Variants in CUL2 observed in about 807,000 individuals in gnomAD.
The protein encoded by CUL2 is cullin-2.
CUL2 carries 22 observed loss-of-function variants against 110.2 expected under a neutral mutation model. That is an observed-to-expected ratio of 0.20 (90% confidence interval 0.14 to 0.28). The LOEUF (loss-of-function observed/expected upper bound fraction) is 0.28. Among genes scored for constraint, CUL2 ranks in the 10% least tolerant of loss-of-function variants. The probability of loss-of-function intolerance (pLI) is 1.00; values close to 1 mark genes in which losing one functional copy is unlikely to be tolerated. For missense variants in CUL2, 631 were observed against 905.5 expected, an observed-to-expected ratio of 0.70 and a Z score of 3.89; for synonymous variants, 279 against 293.2, an observed-to-expected ratio of 0.95 and a Z score of 0.49.
intron 17 of CUL2, among the ~76,000 whole-genome samples, chr10:35,018,653 C>T (rs2085106178): frequency 6.6e-6 from 1 of 151,208 alleles, no homozygotes; most frequent in East Asian, 2.0e-4. Flanking sequence ...ATCTCATCTA[C>T]TCCGGAGGCT....
Position 35,038,966 on chromosome 10 carries a change from A to G in CUL2, c.831T>C (p.Phe277=). ...QQRMVADHLQ[F]LHAECHNIIR... ...TTATATTATGACATTCTGCATGTAA[A>G]AACTGTAAGTGGTCTGCTACCATTC... The change falls in exon 9 of 21, where the codon TTT becomes TTC. Residue 277 remains phenylalanine (F), a synonymous_variant. Coordinates refer to ENST00000374749, the MANE Select transcript of CUL2 (RefSeq NM_003591.4). 1.2e-6 allele frequency: 2 copies of G among 1,608,450 alleles called. No individual in the cohort carries two copies. Among genetic ancestry groups the G allele is most frequent in the South Asian group, 1.1e-5 (1 of 90,100 alleles).
intron 1 of CUL2, among the ~76,000 whole-genome samples, chr10:35,072,619 C>T (rs1035154121): frequency 3.9e-5 from 6 of 152,136 alleles, no homozygotes; most frequent in Non-Finnish European, 5.9e-5. Flanking sequence ...CCGCCCACCT[C>T]GGCCTCCCAA....
chr10:35,102,650 C>T (rs183281596), intron 1 of CUL2, among the ~76,000 whole-genome samples: 4 of 148,930 alleles, frequency 2.7e-5, no homozygotes, highest in East Asian at 4.1e-4. Flanking sequence ...TTTGAGAGAC[C>T]GAGGCGGGTG....
intron 5 of CUL2, 73 bp from the exon 6 acceptor site, chr10:35,049,838 T>A (rs1352947137): frequency 3.2e-6 from 3 of 944,772 alleles, no homozygotes; most frequent in Non-Finnish European, 5.0e-6. Context: ...AGGTTTTTTT[T>A]AACTAAAAAT....
At chr10:35,066,743 A>G (rs2086539245) in intron 2 of CUL2, among the ~76,000 whole-genome samples, 1 of 152,282 alleles carries the variant, frequency 6.6e-6, no homozygotes, top group East Asian at 1.9e-4. Flanking sequence ...AATATCAATT[A>G]GCCTGATATA....
chr10:35,115,897 A>C (rs942280770), intron 1 of CUL2, among the ~76,000 whole-genome samples: 103 of 152,262 alleles, frequency 6.8e-4, no homozygotes, highest in Non-Finnish European at 1.2e-3. Context: ...GGTCTCAAAA[A>C]ATATAATAAA....
In CUL2 at chr10:35,113,262, G is replaced by A. The variant is rs112555885; in HGVS notation, c.-50-12202C>T. Reference sequence around the variant, plus strand: ...TGTAATCCCAGCATTTTGGGAGCCCGAGGTGGGTGGATCACCTGAAGTCAG... The same window carrying A: ...TGTAATCCCAGCATTTTGGGAGCCCAAGGTGGGTGGATCACCTGAAGTCAG... On this transcript the variant is annotated intron_variant, in intron 1 of 5. Coordinates refer to the CUL2 transcript ENST00000685421. Among the ~76,000 whole-genome samples the A allele has an allele frequency of 9.4e-4, 140 of 149,500 alleles. 1 individual carries two copies. Among genetic ancestry groups the A allele is most frequent in the African/African-American group, 3.2e-3 (132 of 40,716 alleles).
chr10:35,030,153 T>C (rs79583411), intron 14 of CUL2, among the ~76,000 whole-genome samples: 1,594 of 152,326 alleles, frequency 0.01, 11 homozygotes, highest in Non-Finnish European at 0.014. Context: ...CTGCTGGCTC[T>C]TATAAGGTTT....
intron 1 of CUL2, among the ~76,000 whole-genome samples, chr10:35,085,711 A>C (rs1432212440): frequency 1.3e-5 from 2 of 151,982 alleles, no homozygotes; most frequent in Non-Finnish European, 2.9e-5. Context: ...AAAAAAAAAA[A>C]AAAAAAACTG....
At chr10:35,078,367 C>G (rs1262094936) in intron 1 of CUL2, among the ~76,000 whole-genome samples, 1 of 150,790 alleles carries the variant, frequency 6.6e-6, no homozygotes, top group Non-Finnish European at 1.5e-5. Flanking sequence ...ATGATCTCGG[C>G]TCACCACAAC....
chr10:35,051,717 C>A (rs970772324), intron 5 of CUL2, among the ~76,000 whole-genome samples: 9 of 152,202 alleles, frequency 5.9e-5, no homozygotes, highest in Non-Finnish European at 1.3e-4. Context: ...ATTTTGGGTT[C>A]TTCCCTGTGA....
intron 4 of CUL2, among the ~76,000 whole-genome samples, chr10:35,056,652 A>G (rs2134888141): frequency 6.6e-6 from 1 of 152,320 alleles, no homozygotes; most frequent in Non-Finnish European, 1.5e-5. Context: ...CTCTGCCCAC[A>G]CAGAGCTCAC....
At chr10:35,063,833 G>A (rs2086447325) in intron 2 of CUL2, 1 of 147,064 alleles carries the variant, frequency 6.8e-6, no homozygotes, top group Non-Finnish European at 1.5e-5. Context: ...AAACCAAGAA[G>A]AACAAAAGAT....
At chr10:35,110,863 C>T (rs893503229) in intron 1 of CUL2, among the ~76,000 whole-genome samples, 6 of 152,180 alleles carry the variant, frequency 3.9e-5, no homozygotes, top group East Asian at 1.9e-4. Flanking sequence ...ACCTAATCTC[C>T]GGATATGGTT....
At chr10:35,052,571 G>GTGTT (rs963907578) in intron 5 of CUL2, among the ~76,000 whole-genome samples, 1 of 152,154 alleles carries the variant, frequency 6.6e-6, no homozygotes, top group African/African-American at 2.4e-5. Context: ...ATGAATAGTG[G>GTGTT]TGTTCACTGC....
At chr10:35,053,578 C>A (rs1411916384) in intron 5 of CUL2, among the ~76,000 whole-genome samples, 3 of 152,136 alleles carry the variant, frequency 2.0e-5, no homozygotes, top group Non-Finnish European at 2.9e-5. Flanking sequence ...TACTTTTAAA[C>A]ATTAAACTCT....
intron 4 of CUL2, among the ~76,000 whole-genome samples, chr10:35,060,364 T>C (rs2086350683): frequency 6.6e-6 from 1 of 151,864 alleles, no homozygotes; most frequent in African/African-American, 2.4e-5. Flanking sequence ...GGCAGGAAGA[T>C]GGGAGAGACC....
chr10:35,012,243 T>C (rs979241269), intron 19 of CUL2, among the ~76,000 whole-genome samples: 4 of 152,150 alleles, frequency 2.6e-5, no homozygotes, highest in African/African-American at 9.6e-5. Flanking sequence ...GTTGTGCCAA[T>C]ATCACATAAC....
Position 35,009,186 on chromosome 10 carries a change from ATATATATATATATAT to A in CUL2, c.*1110_*1124del, listed in dbSNP as rs1490124179. The A allele has an allele frequency of 2.0e-5, 2 of 100,726 alleles. No individual in the cohort carries two copies. Among genetic ancestry groups the A allele is most frequent in the Non-Finnish European group, 4.0e-5 (2 of 49,978 alleles). 6.2% of individuals were successfully genotyped at this position (100,726 alleles called of 1,614,324 possible). A position where few individuals can be genotyped will look rare whatever the true frequency, so the allele number is the denominator to read the frequency against. On this transcript the variant is annotated 3_prime_UTR_variant, in exon 21 of 21. Transcript: ENST00000374749. ...GTACTCTTAACACTGCTGTTGAGAT[ATATATATATATATAT>A]TATATATATATATATATATAAAATA... is the stretch of plus-strand genomic sequence containing the variant.
Sources: allele counts gnomAD v4.1 joint callset (sites outside exome capture counted in the v4.1 genomes callset), GRCh38; gene constraint gnomAD v4.1.1; transcripts MANE v1.5; gene names NCBI Gene and HGNC (gene_info 2026-07-23, HGNC 2026-07-21).